The following F2 variants were observed in gnomAD, a reference collection of about 807,000 sequenced individuals.
F2 encodes prothrombin.
In F2, 34 loss-of-function variants were observed where a neutral mutation model predicts 81.9. The ratio of observed to expected loss-of-function variants is 0.42; its 90% confidence interval spans 0.32 to 0.55. The LOEUF is 0.55. F2 is among the 20% of genes least tolerant of loss of function. F2 has a pLI of 0.18. For missense variants in F2, 630 were observed against 833.4 expected (o/e 0.76, Z 3.00); for synonymous variants, 296 against 326.4 (o/e 0.91, Z 1.01).
intron 9 of F2, among the ~76,000 whole-genome samples, chr11:46,727,084 C>T (rs150215503): frequency 2.6e-4 from 39 of 152,340 alleles, no homozygotes; most frequent in African/African-American, 9.1e-4. Context: ...CTCACTACCT[C>T]GATCTCAGCT....
chr11:46,720,130 C>T, intron 2 of F2: 1 of 578,002 alleles, frequency 1.7e-6, no homozygotes, highest in Admixed American at 3.0e-5. Context: ...AGCTCTGTGT[C>T]CACATGGCCT....
intron 12 of F2, among the ~76,000 whole-genome samples, chr11:46,732,286 C>A (rs1035821238): frequency 6.6e-6 from 1 of 152,166 alleles, no homozygotes; most frequent in Non-Finnish European, 1.5e-5. Context: ...TGGCACTTAT[C>A]TAATTCTGTC....
chr11:46,720,426 C>T, intron 2 of F2, 97 bp from the exon 3 acceptor site: 3 of 1,409,502 alleles, frequency 2.1e-6, no homozygotes, highest in South Asian at 1.2e-5. Flanking sequence ...CCCTGCGTGA[C>T]CAGGGTAAAG....
chr11:46,729,717 C>T (rs1255250062), intron 12 of F2, among the ~76,000 whole-genome samples, 156 bp downstream of exon 12: 1 of 152,066 alleles, frequency 6.6e-6, no homozygotes, highest in African/African-American at 2.4e-5. Flanking sequence ...GTCTCTATCC[C>T]ATAAGGTTAT....
Position 46,726,435 on chromosome 11 carries a change from G to A in F2, c.875-63G>A. Reference sequence around the variant, plus strand: ...TCCAAGGCCCGTAGGGGAATTGGGGGGATCTAGGGGATGGGTGAGGAATGG... The same window carrying A: ...TCCAAGGCCCGTAGGGGAATTGGGGAGATCTAGGGGATGGGTGAGGAATGG... On this transcript the variant is annotated intron_variant, in intron 7 of 13. Coordinates refer to ENST00000311907, the MANE Select transcript of F2 (RefSeq NM_000506.5). This position sits in a 1 kb window ranked among gnomAD's most constrained non-coding sequence, Gnocchi z 5.9. 1 of 1,581,896 alleles carries A rather than the reference G, an allele frequency of 6.3e-7. No individual in the cohort carries two copies. Among genetic ancestry groups the A allele is most frequent in the East Asian group, 2.3e-5 (1 of 43,154 alleles).
intron 12 of F2, among the ~76,000 whole-genome samples, chr11:46,733,492 C>T (rs900506516): frequency 6.6e-5 from 10 of 152,170 alleles, no homozygotes; most frequent in Non-Finnish European, 8.8e-5. Context: ...TGTGAGCCAC[C>T]ATGCCTGGCC....
At chr11:46,727,887 G>A (rs1239928693) in intron 9 of F2, 109 bp from the exon 10 acceptor site, 10 of 1,325,396 alleles carry the variant, frequency 7.5e-6, no homozygotes, top group Middle Eastern at 2.4e-4. Flanking sequence ...GGGCCCCGGA[G>A]GCAGCTCTGC....
intron 9 of F2, 103 bp from the exon 10 acceptor site, chr11:46,727,893 T>C: frequency 7.2e-7 from 1 of 1,385,122 alleles, no homozygotes; most frequent in Non-Finnish European, 9.8e-7. Context: ...CGGAGGCAGC[T>C]CTGCCCAGCT....
chr11:46,719,307 C>G lies in F2; in HGVS notation c.72C>G (p.Ser24Arg). The G allele has an allele frequency of 6.2e-7, 1 of 1,613,076 alleles. No homozygotes were observed. Among genetic ancestry groups the G allele is most frequent in the Non-Finnish European group, 8.5e-7 (1 of 1,179,894 alleles). Residue 24 changes from serine to arginine, a missense_variant, in exon 1 of 14, where the codon AGC becomes AGG. Transcript: ENST00000311907. This position sits in a 1 kb window ranked among gnomAD's most constrained non-coding sequence, Gnocchi z 4.7. ...ALAALCSLVHSQHVFLAPQQA... is the reference protein window; with the variant it reads ...ALAALCSLVHRQHVFLAPQQA... The stretch of plus-strand genomic sequence containing the variant: ...CTGCCCTGTGTAGCCTTGTGCACAG[C>G]CAGCATGGTAAGGGAGTGCTTGCAG...
Position 46,726,305 on chromosome 11 carries a change from G to A in F2, c.874+132G>A. ...CAGCCTTACAGTAACCAGGTGGGGG[G>A]TAAGGTCCTGTGCCCATTTCACAGA... On this transcript the variant is annotated intron_variant, in intron 7 of 13. Transcript: ENST00000311907. The surrounding 1 kb of genome is among the most constrained non-coding windows in gnomAD (Gnocchi z 5.9). 2.1e-6 allele frequency: 3 copies of A among 1,431,984 alleles called. No individual in the cohort carries two copies. Among genetic ancestry groups the A allele is most frequent in the Non-Finnish European group, 2.9e-6 (3 of 1,051,808 alleles). The allele number at this position is 1,431,984 out of a possible 1,614,324, so 88.7% of individuals were successfully genotyped here.
chr11:46,721,331 C>T (rs1027100437), intron 4 of F2, among the ~76,000 whole-genome samples: 7 of 152,256 alleles, frequency 4.6e-5, no homozygotes, highest in South Asian at 2.1e-4. Flanking sequence ...TGAGCCACCG[C>T]GCCTGGCCAT....
intron 4 of F2, 28 bp downstream of exon 4, chr11:46,720,868 C>A: frequency 3.1e-6 from 5 of 1,613,046 alleles, no homozygotes; most frequent in South Asian, 1.1e-5. Context: ...GTTTGGGGAG[C>A]AGGACATGGA....
intron 12 of F2, 58 bp downstream of exon 12, chr11:46,729,619 T>C (rs2064898523): frequency 6.3e-7 from 1 of 1,584,666 alleles, no homozygotes; most frequent in South Asian, 1.1e-5. Flanking sequence ...GAGAACTGAG[T>C]TGTGCCTGGG....
chr11:46,725,069 CT>C (rs71455298), intron 6 of F2, among the ~76,000 whole-genome samples: 7,103 of 105,968 alleles, frequency 0.067, 187 homozygotes, highest in Non-Finnish European at 0.097. Context: ...TGCGCCCGGC[CT>C]TTTTTTTTTT....
In F2 at chr11:46,719,648, C is replaced by G; in HGVS notation, c.80-54C>G. Reference sequence around the variant, plus strand: ...GCTTGCTTCATGCCCCCAGAATGGCCAAGACTGCCTGTTCCTGAGGCCGCT... The same window carrying G: ...GCTTGCTTCATGCCCCCAGAATGGCGAAGACTGCCTGTTCCTGAGGCCGCT... On this transcript the variant is annotated intron_variant, in intron 1 of 13. Transcript: ENST00000311907. The surrounding 1 kb of genome is among the most constrained non-coding windows in gnomAD (Gnocchi z 4.7). 6.4e-7 allele frequency: 1 copy of G among 1,553,446 alleles called. No individual in the cohort carries two copies. The highest frequency in any genetic ancestry group is 8.7e-7 in the Non-Finnish European group (1 of 1,149,390).
intron 12 of F2, among the ~76,000 whole-genome samples, chr11:46,737,090 G>A (rs915010028): frequency 3.3e-5 from 5 of 151,950 alleles, no homozygotes; most frequent in East Asian, 1.9e-4. Context: ...ATGGCTTGCC[G>A]GTTTTCTCAA....
At chr11:46,727,443 T>C (rs926491176) in intron 9 of F2, among the ~76,000 whole-genome samples, 1 of 152,172 alleles carries the variant, frequency 6.6e-6, no homozygotes, top group African/African-American at 2.4e-5. Context: ...TGCTACGCTA[T>C]GTGAACTCTG....
At chr11:46,729,138 G>T (rs958928738) in intron 11 of F2, among the ~76,000 whole-genome samples, 1 of 152,098 alleles carries the variant, frequency 6.6e-6, no homozygotes, top group Non-Finnish European at 1.5e-5. Context: ...TGGGATTACA[G>T]GCTAATTTTT....
In F2 at chr11:46,723,268, C is replaced by T; in HGVS notation, c.405C>T (p.Arg135=). ...TTGAGTGCCAGCTATGGAGGAGTCGCTACCCACATAAGCCTGAGTGAGTGA... is the reference window on the plus strand; with the variant it reads ...TTGAGTGCCAGCTATGGAGGAGTCGTTACCCACATAAGCCTGAGTGAGTGA... ...SGIECQLWRS[R]YPHKPEINST... Residue 135 remains arginine (R), a synonymous_variant, in exon 5 of 14, where the codon CGC becomes CGT. Coordinates refer to ENST00000311907, the MANE Select transcript of F2 (RefSeq NM_000506.5). The surrounding 1 kb of genome is among the most constrained non-coding windows in gnomAD (Gnocchi z 5.6). The T allele has an allele frequency of 9.9e-6, 16 of 1,614,116 alleles. No homozygotes were observed. Among genetic ancestry groups the T allele is most frequent in the Non-Finnish European group, 1.4e-5 (16 of 1,180,014 alleles).
Sources: gnomAD v4.1 joint callset for allele counts (sites outside exome capture counted in the v4.1 genomes callset) on GRCh38, gnomAD v4.1.1 for gene constraint, Gnocchi (gnomAD v3.1) non-coding constraint, MANE v1.5 for transcripts, NCBI Gene and HGNC (gene_info 2026-07-23, HGNC 2026-07-21) for gene names.